CEMIP2: variants seen among roughly 807,000 people sequenced by gnomAD.
CEMIP2 encodes cell migration inducing hyaluronidase 2.
Under a neutral mutation model 146.9 loss-of-function variants are expected in CEMIP2, and 79 were observed. The observed-to-expected ratio is 0.54, with a 90% CI of 0.45 to 0.65. The LOEUF (loss-of-function observed/expected upper bound fraction) is 0.65. CEMIP2 is among the 30% of genes least tolerant of loss of function. CEMIP2 has a pLI of 0.00. For synonymous variants in CEMIP2, 601 were observed against 606.3 expected, an observed-to-expected ratio of 0.99 and a Z score of 0.13; for missense variants, 1,596 against 1,696.2, an observed-to-expected ratio of 0.94 and a Z score of 1.04.
intron 1 of CEMIP2, among the ~76,000 whole-genome samples, chr9:71,752,234 G>A (rs1326199759): frequency 2.0e-5 from 3 of 151,224 alleles, no homozygotes; most frequent in South Asian, 2.1e-4. Context: ...ACAATCGAGA[G>A]GCAAAGAATG....
intron 23 of CEMIP2, 46 bp downstream of exon 23, chr9:71,685,696 AT>A: frequency 4.7e-6 from 7 of 1,480,910 alleles, no homozygotes; most frequent in Non-Finnish European, 6.6e-6. Flanking sequence ...AAAATTACCT[AT>A]GTTGCTGGCC....
intron 2 of CEMIP2, among the ~76,000 whole-genome samples, chr9:71,749,096 A>G (rs781473174): frequency 6.6e-6 from 1 of 152,220 alleles, no homozygotes; most frequent in Non-Finnish European, 1.5e-5. Flanking sequence ...ACTTGCAACC[A>G]TCTTCTTCAA....
intron 1 of CEMIP2, among the ~76,000 whole-genome samples, chr9:71,763,070 A>G (rs1288903231): frequency 6.6e-6 from 1 of 152,138 alleles, no homozygotes; most frequent in African/African-American, 2.4e-5. Context: ...TAAAAAAAAA[A>G]AAAAGAAAAC....
rs559836761 is a variant in CEMIP2, at chr9:71,698,485, G to C, written c.3378-281C>G. Among the ~76,000 whole-genome samples, 148 of 152,276 alleles carry C rather than the reference G, an allele frequency of 9.7e-4. 1 individual carries two copies. Among genetic ancestry groups the C allele is most frequent in the African/African-American group, 3.5e-3 (145 of 41,550 alleles). On this transcript the variant is annotated intron_variant, in intron 19 of 23. Transcript: ENST00000377044. ...TTGAATTAGTTCGATAGGTAATTTGGGGGGATGAAATTTGGTTTGGCTCAA... is the reference window on the plus strand; with the variant it reads ...TTGAATTAGTTCGATAGGTAATTTGCGGGGATGAAATTTGGTTTGGCTCAA...
At chr9:71,737,904 G>A (rs1006617954) in intron 5 of CEMIP2, among the ~76,000 whole-genome samples, 2 of 152,084 alleles carry the variant, frequency 1.3e-5, no homozygotes, top group South Asian at 4.1e-4. Context: ...TAGTTGTTGA[G>A]ATCCCACATG....
intron 1 of CEMIP2, among the ~76,000 whole-genome samples, chr9:71,760,958 GTTCTCTTTTCTCCC>G (rs1320223658): frequency 1.3e-5 from 2 of 152,220 alleles, no homozygotes; most frequent in African/African-American, 4.8e-5. Flanking sequence ...TTGAAAAGCT[GTTCTCTTTTCTCCC>G]TTCCTTCCCA....
At chr9:71,738,571 G>A (rs1163669066) in intron 5 of CEMIP2, among the ~76,000 whole-genome samples, 3 of 151,400 alleles carry the variant, frequency 2.0e-5, no homozygotes, top group Non-Finnish European at 4.4e-5. Flanking sequence ...CGGGTATGGT[G>A]GCTCACGCCT....
intron 22 of CEMIP2, among the ~76,000 whole-genome samples, chr9:71,688,625 T>A (rs1235181874): frequency 6.6e-6 from 1 of 151,864 alleles, no homozygotes. Flanking sequence ...TGACCTCAGG[T>A]GATCCTCCTG....
In CEMIP2 at chr9:71,684,937, G is replaced by A. The variant is rs909293361; in HGVS notation, c.*260C>T. 4.9e-6 allele frequency: 2 copies of A among 405,490 alleles called. No homozygotes were observed. Among genetic ancestry groups the A allele is most frequent in the Non-Finnish European group, 8.7e-6 (2 of 229,068 alleles). 25.1% of individuals were successfully genotyped at this position (405,490 alleles called of 1,614,324 possible). A position where few individuals can be genotyped will look rare whatever the true frequency, so the allele number is the denominator to read the frequency against. ...GCTCATGGTCATTACAAAATACGGG[G>A]GTGGAAAGTGAGGAATAAGAGATCT... On this transcript the variant is annotated 3_prime_UTR_variant, in exon 24 of 24. Coordinates refer to ENST00000377044, the MANE Select transcript of CEMIP2 (RefSeq NM_013390.3).
intron 1 of CEMIP2, among the ~76,000 whole-genome samples, chr9:71,755,990 A>AAAAC: frequency 6.9e-6 from 1 of 144,624 alleles, no homozygotes; most frequent in Non-Finnish European, 1.5e-5. Context: ...AAAAAAAAAA[A>AAAAC]CCTCTTACAG....
intron 20 of CEMIP2, among the ~76,000 whole-genome samples, chr9:71,695,680 A>G (rs1007015998): frequency 1.3e-5 from 2 of 152,152 alleles, no homozygotes; most frequent in African/African-American, 4.8e-5. Context: ...TCTCAAAAAA[A>G]ACAAAAAACA....
rs1824057488 is a variant in CEMIP2 at position 71,745,391 on chromosome 9, A to C, written c.661T>G (p.Phe221Val). 6.2e-7 allele frequency: 1 copy of C among 1,613,948 alleles called. No homozygotes were observed. The highest frequency in any genetic ancestry group is 8.5e-7 in the Non-Finnish European group (1 of 1,179,990). Residue 221 changes from phenylalanine to valine, a missense_variant, in exon 4 of 24, where the codon TTT (phenylalanine) becomes GTT (valine). By Grantham distance (50) the Phe-to-Val change is conservative (BLOSUM62 -1). Coordinates refer to ENST00000377044, the MANE Select transcript of CEMIP2 (RefSeq NM_013390.3). ...GESMPTFGKK[F>V]IGVEAGGTLE... ...GTCCCGCCAGCTTCCACACCAATAAACTTTTTGCCAAATGTTGGCATACTT... is the reference window on the plus strand; with the variant it reads ...GTCCCGCCAGCTTCCACACCAATAACCTTTTTGCCAAATGTTGGCATACTT...
intron 14 of CEMIP2, among the ~76,000 whole-genome samples, chr9:71,716,107 G>C (rs1823049506): frequency 6.6e-6 from 1 of 152,028 alleles, no homozygotes; most frequent in Non-Finnish European, 1.5e-5. Context: ...ATTATCTGTA[G>C]AAAAACATAC....
chr9:71,688,930 C>T (rs185476087), intron 22 of CEMIP2, among the ~76,000 whole-genome samples: 7 of 152,254 alleles, frequency 4.6e-5, no homozygotes, highest in South Asian at 2.1e-4. Flanking sequence ...TTTTTGCAAA[C>T]GAAACCTATC....
rs1186369833 is a variant in CEMIP2, at chr9:71,745,368, C to A, written c.684G>T (p.Gly228=). 5.6e-6 allele frequency: 9 copies of A among 1,613,986 alleles called. No homozygotes were observed. Among genetic ancestry groups the A allele is most frequent in the South Asian group, 1.1e-5 (1 of 91,082 alleles). Residue 228 remains glycine (G), a synonymous_variant, in exon 4 of 24, where the codon GGG becomes GGT. Transcript: ENST00000377044. ...GKKFIGVEAG[G]TLELHGARKA... Reference sequence around the variant, plus strand: ...TCCGTGCCCCATGTAACTCCAGTGTCCCGCCAGCTTCCACACCAATAAACT... The same window carrying A: ...TCCGTGCCCCATGTAACTCCAGTGTACCGCCAGCTTCCACACCAATAAACT...
In CEMIP2 at chr9:71,715,625, G is replaced by GATATATAT. The variant is rs71790721; in HGVS notation, c.2436-544_2436-537dup. 4.8e-3 allele frequency among the ~76,000 whole-genome samples: 574 copies of GATATATAT among 119,032 alleles called. 6 individuals are homozygous for GATATATAT. Among genetic ancestry groups the GATATATAT allele is most frequent in the East Asian group, 9.6e-3 (36 of 3,748 alleles). The allele number at this position is 119,032 out of a possible 152,430, so 78.1% of individuals were successfully genotyped here. On this transcript the variant is annotated intron_variant, in intron 14 of 23. Coordinates refer to ENST00000377044, the MANE Select transcript of CEMIP2 (RefSeq NM_013390.3). ...ATATACATACATATATCCCTCTTAA[G>GATATATAT]ATATATATATATATATATATATACT... is the stretch of plus-strand genomic sequence containing the variant.
chr9:71,755,977 A>G (rs1397788121), intron 1 of CEMIP2, among the ~76,000 whole-genome samples: 2 of 113,976 alleles, frequency 1.8e-5, no homozygotes, highest in Non-Finnish European at 4.1e-5. Flanking sequence ...AAAAAAAAAA[A>G]AAAAAAAAAA....
At chr9:71,694,865 T>G (rs1330340979) in intron 20 of CEMIP2, among the ~76,000 whole-genome samples, 1 of 152,234 alleles carries the variant, frequency 6.6e-6, no homozygotes, top group East Asian at 1.9e-4. Flanking sequence ...ACTGATTAAA[T>G]AAATGTGCTT....
At chr9:71,750,883 A>G (rs1824233289) in intron 1 of CEMIP2, among the ~76,000 whole-genome samples, 1 of 152,098 alleles carries the variant, frequency 6.6e-6, no homozygotes, top group African/African-American at 2.4e-5. Flanking sequence ...GGTAGCCAGG[A>G]CTACAGGTAC....
Sources: gnomAD v4.1 joint callset for allele counts (sites outside exome capture counted in the v4.1 genomes callset) on GRCh38, gnomAD v4.1.1 for gene constraint, MANE v1.5 for transcripts, NCBI Gene and HGNC (gene_info 2026-07-23, HGNC 2026-07-21) for gene names.